Variants in CCDC148 observed in about 807,000 individuals in gnomAD.
CCDC148 encodes coiled-coil domain containing 148.
CCDC148 carries 89 observed loss-of-function variants against 85.7 expected under a neutral mutation model. That is an observed-to-expected ratio of 1.04 (90% CI 0.87 to 1.24). The LOEUF is 1.24. Among genes scored for constraint, CCDC148 ranks in the 50% most tolerant of loss-of-function variants. The pLI is 0.00. For synonymous variants in CCDC148, 230 were observed against 213.9 expected (o/e 1.08, Z -0.66); for missense variants, 692 against 671.7 (o/e 1.03, Z -0.33).
At chr2:158,267,787 T>C (rs373817943) in intron 9 of CCDC148, among the ~76,000 whole-genome samples, 19 of 152,308 alleles carry the variant, frequency 1.2e-4, no homozygotes, top group African/African-American at 4.1e-4. Flanking sequence ...GCTTCAGCCC[T>C]ATTTTCTGTC....
intron 1 of CCDC148, among the ~76,000 whole-genome samples, chr2:158,383,265 T>C: frequency 6.6e-6 from 1 of 151,616 alleles, no homozygotes; most frequent in East Asian, 1.9e-4. Context: ...TGTGGTGAGC[T>C]GAGATCACAC....
chr2:158,184,529 C>T lies in CCDC148; in HGVS notation c.1371-5533G>A, dbSNP rs1475941374. Among the ~76,000 whole-genome samples, 6 of 152,110 alleles carry T rather than the reference C, an allele frequency of 3.9e-5. No individual in the cohort carries two copies. In the East Asian group the frequency reaches 1.2e-3, roughly 29 times the overall value. On this transcript the variant is annotated intron_variant, in intron 11 of 13. Transcript: ENST00000283233. ...CTAAATGAACACTGTAGTAAAATCA[C>T]AAAATTGTTCTTAATAGTTTTTGAA... is the stretch of plus-strand genomic sequence containing the variant.
At chr2:158,182,201 T>C (rs1684938009) in intron 11 of CCDC148, among the ~76,000 whole-genome samples, 1 of 152,048 alleles carries the variant, frequency 6.6e-6, no homozygotes, top group African/African-American at 2.4e-5. Flanking sequence ...GGGGAGTCTT[T>C]ACCAGTAGAA....
At chr2:158,381,639 T>C (rs568139842) in intron 1 of CCDC148, among the ~76,000 whole-genome samples, 3 of 152,144 alleles carry the variant, frequency 2.0e-5, no homozygotes, top group African/African-American at 2.4e-5. Context: ...AGAAGACATA[T>C]ATAAGAATGG....
At chr2:158,387,654 C>T (rs368707280) in intron 1 of CCDC148, among the ~76,000 whole-genome samples, 1 of 152,072 alleles carries the variant, frequency 6.6e-6, no homozygotes, top group East Asian at 1.9e-4. Flanking sequence ...TTCTGCCCCC[C>T]ACCCCATTGC....
intron 1 of CCDC148, among the ~76,000 whole-genome samples, chr2:158,422,925 T>C (rs1686874592): frequency 1.3e-5 from 2 of 151,780 alleles, no homozygotes; most frequent in Non-Finnish European, 2.9e-5. Flanking sequence ...TCACAAGCGG[T>C]CCTATACACC....
intron 2 of CCDC148, among the ~76,000 whole-genome samples, chr2:158,357,170 G>A (rs970562607): frequency 4.0e-5 from 6 of 150,946 alleles, no homozygotes; most frequent in Admixed American, 6.6e-5. Flanking sequence ...AATGGCACAT[G>A]TATACATATG....
At chr2:158,208,092 T>C (rs900119392) in intron 11 of CCDC148, among the ~76,000 whole-genome samples, 1 of 152,106 alleles carries the variant, frequency 6.6e-6, no homozygotes, top group Admixed American at 6.5e-5. Context: ...AATATAAAGA[T>C]AGATCATGAC....
chr2:158,302,772 G>A (rs1050014729), intron 9 of CCDC148, among the ~76,000 whole-genome samples: 7 of 133,806 alleles, frequency 5.2e-5, no homozygotes, highest in Non-Finnish European at 9.7e-5. Context: ...GACAGGGTGA[G>A]ACTCCATAAA....
chr2:158,204,643 C>A (rs769618040), intron 11 of CCDC148, among the ~76,000 whole-genome samples: 1 of 152,114 alleles, frequency 6.6e-6, no homozygotes, highest in Non-Finnish European at 1.5e-5. Context: ...CCCTCCCCTG[C>A]CATTCAAGTC....
intron 1 of CCDC148, among the ~76,000 whole-genome samples, chr2:158,439,370 G>A (rs1687829708): frequency 6.6e-6 from 1 of 152,106 alleles, no homozygotes; most frequent in Non-Finnish European, 1.5e-5. Flanking sequence ...GGAAACTATT[G>A]CAGGGACAGG....
intron 1 of CCDC148, among the ~76,000 whole-genome samples, chr2:158,435,602 G>A (rs971573356): frequency 1.3e-5 from 2 of 152,144 alleles, no homozygotes; most frequent in Non-Finnish European, 2.9e-5. Flanking sequence ...ACATCATAAT[G>A]ACAGGATCAA....
At chr2:158,423,671 C>T (rs1357913828) in intron 1 of CCDC148, among the ~76,000 whole-genome samples, 1 of 152,156 alleles carries the variant, frequency 6.6e-6, no homozygotes, top group East Asian at 1.9e-4. Flanking sequence ...GACTTCATGA[C>T]TAAAACACCA....
At chr2:158,345,988 A>G (rs1364328642) in intron 2 of CCDC148, among the ~76,000 whole-genome samples, 1 of 152,226 alleles carries the variant, frequency 6.6e-6, no homozygotes, top group Non-Finnish European at 1.5e-5. Flanking sequence ...GAAGATACTT[A>G]AAGAAATATG....
chr2:158,208,436 A>G (rs1686371383), intron 11 of CCDC148, among the ~76,000 whole-genome samples: 1 of 152,126 alleles, frequency 6.6e-6, no homozygotes, highest in East Asian at 1.9e-4. Flanking sequence ...CCTCCTCTGC[A>G]GCTAGAGCAT....
intron 11 of CCDC148, among the ~76,000 whole-genome samples, chr2:158,179,413 A>T (rs368138510): frequency 6.7e-4 from 102 of 151,982 alleles, no homozygotes; most frequent in South Asian, 2.1e-3. Context: ...TGCCTTGGCC[A>T]CCCAAAGTGC....
At chr2:158,269,151 T>G in intron 9 of CCDC148, among the ~76,000 whole-genome samples, 1 of 152,188 alleles carries the variant, frequency 6.6e-6, no homozygotes, top group South Asian at 2.1e-4. Context: ...ATTTTTTTCA[T>G]AATGGCTGTA....
At chr2:158,186,994 GTAC>G (rs1685186387) in intron 11 of CCDC148, among the ~76,000 whole-genome samples, 1 of 151,896 alleles carries the variant, frequency 6.6e-6, no homozygotes, top group Non-Finnish European at 1.5e-5. Context: ...AAATTATTAT[GTAC>G]TAATGAAGTT....
At chr2:158,223,790 A>T (rs1486746066) in intron 10 of CCDC148, among the ~76,000 whole-genome samples, 1 of 152,212 alleles carries the variant, frequency 6.6e-6, no homozygotes, top group Non-Finnish European at 1.5e-5. Context: ...TAACAAACAG[A>T]AAAGACATCC....
Sources: allele counts gnomAD v4.1 joint callset (sites outside exome capture counted in the v4.1 genomes callset), GRCh38; gene constraint gnomAD v4.1.1; transcripts MANE v1.5; gene names NCBI Gene and HGNC (gene_info 2026-07-23, HGNC 2026-07-21).